MSRA: variants seen among roughly 807,000 people sequenced by gnomAD.
MSRA encodes methionine sulfoxide reductase A, also known as mitochondrial peptide methionine sulfoxide reductase.
MSRA carries 54 observed loss-of-function variants against 31.3 expected under a neutral mutation model. The ratio of observed to expected loss-of-function variants is 1.73; its 90% CI spans 1.39 to 2.17. MSRA has a LOEUF of 2.17. Among genes scored for constraint, MSRA ranks in the 30% most tolerant of loss-of-function variants. MSRA has a pLI of 0.00. For synonymous variants in MSRA, 169 were observed against 116.5 expected, an observed-to-expected ratio of 1.45 and a Z score of -2.90; for missense variants, 507 against 300.9, an observed-to-expected ratio of 1.69 and a Z score of -5.07.
chr8:10,275,516 A>C (rs1156245288), intron 3 of MSRA, among the ~76,000 whole-genome samples: 1 of 152,210 alleles, frequency 6.6e-6, no homozygotes, highest in Non-Finnish European at 1.5e-5. Context: ...CAGCCTCTTT[A>C]TTGTTCATTG....
rs10104911 is a variant in MSRA at position 10,109,664 on chromosome 8, A to T, written c.142+55006A>T. Among the ~76,000 whole-genome samples, 27 of 152,110 alleles carry T rather than the reference A, an allele frequency of 1.8e-4. No homozygotes were observed. In the East Asian group the frequency reaches 3.1e-3, roughly 17 times the overall value. Reference sequence around the variant, plus strand: ...GTCTTTTTTCTTATGATGTATTTTTAGCATTGGAATTTAAGTGTTTTGAAA... The same window carrying T: ...GTCTTTTTTCTTATGATGTATTTTTTGCATTGGAATTTAAGTGTTTTGAAA... On this transcript the variant is annotated intron_variant, in intron 1 of 5. Transcript: ENST00000317173.
chr8:10,094,616 C>G (rs1799029079), intron 1 of MSRA, among the ~76,000 whole-genome samples: 1 of 152,168 alleles, frequency 6.6e-6, no homozygotes, highest in Non-Finnish European at 1.5e-5. Flanking sequence ...CTAGAAGTCA[C>G]TTTTCTGGGT....
At chr8:10,425,241 G>T (rs373136064) in intron 5 of MSRA, among the ~76,000 whole-genome samples, 1 of 152,206 alleles carries the variant, frequency 6.6e-6, no homozygotes, top group Non-Finnish European at 1.5e-5. Flanking sequence ...TCCGCCACCC[G>T]ACAGGACCCG....
chr8:10,348,041 G>A (rs570559197), intron 5 of MSRA, among the ~76,000 whole-genome samples: 1 of 152,344 alleles, frequency 6.6e-6, no homozygotes, highest in East Asian at 1.9e-4. Flanking sequence ...GTAAATGAAT[G>A]ATGCAGCTGG....
At chr8:10,064,074 C>T (rs1797338277) in intron 1 of MSRA, among the ~76,000 whole-genome samples, 3 of 152,116 alleles carry the variant, frequency 2.0e-5, no homozygotes, top group African/African-American at 7.2e-5. Context: ...AATCCCTTTC[C>T]TGTATTTGGT....
intron 2 of MSRA, among the ~76,000 whole-genome samples, chr8:10,214,027 G>A (rs903286861): frequency 1.2e-4 from 19 of 152,192 alleles, no homozygotes; most frequent in African/African-American, 4.6e-4. Flanking sequence ...TAGGCTCCTA[G>A]TAGCCTGATG....
At chr8:10,088,077 G>A (rs1798662377) in intron 1 of MSRA, among the ~76,000 whole-genome samples, 1 of 152,112 alleles carries the variant, frequency 6.6e-6, no homozygotes, top group Non-Finnish European at 1.5e-5. Context: ...CTCCTTGGAA[G>A]GAAGTTTGAA....
At chr8:10,198,708 C>G (rs1451116404) in intron 1 of MSRA, among the ~76,000 whole-genome samples, 2 of 152,194 alleles carry the variant, frequency 1.3e-5, no homozygotes, top group Non-Finnish European at 2.9e-5. Flanking sequence ...AATGCAGCTT[C>G]TAACTACTGG....
chr8:10,112,309 G>T (rs1022951438), intron 1 of MSRA, among the ~76,000 whole-genome samples: 3 of 152,138 alleles, frequency 2.0e-5, no homozygotes, highest in Non-Finnish European at 2.9e-5. Context: ...CATTTGGTTT[G>T]ATTCAACACC....
At chr8:10,322,940 A>T (rs1367060499) in intron 5 of MSRA, among the ~76,000 whole-genome samples, 1 of 152,116 alleles carries the variant, frequency 6.6e-6, no homozygotes, top group Non-Finnish European at 1.5e-5. Context: ...AAATACAAAA[A>T]TTAGCCAGGC....
At chr8:10,385,996 C>G (rs1054986937) in intron 5 of MSRA, among the ~76,000 whole-genome samples, 1 of 152,090 alleles carries the variant, frequency 6.6e-6, no homozygotes, top group African/African-American at 2.4e-5. Context: ...TCATCATAAC[C>G]CATTCATTCA....
chr8:10,153,311 A>G (rs945620673), intron 1 of MSRA, among the ~76,000 whole-genome samples: 57 of 152,100 alleles, frequency 3.7e-4, no homozygotes, highest in African/African-American at 1.4e-3. Context: ...TCTTTCTTCC[A>G]GTTAATTGTT....
At chr8:10,340,825 A>G (rs896811114) in intron 5 of MSRA, among the ~76,000 whole-genome samples, 1 of 152,274 alleles carries the variant, frequency 6.6e-6, no homozygotes, top group Non-Finnish European at 1.5e-5. Context: ...GCATCAGCAA[A>G]GAGCATCTCA....
At chr8:10,290,595 C>T (rs772342260) in intron 3 of MSRA, among the ~76,000 whole-genome samples, 13 of 152,128 alleles carry the variant, frequency 8.5e-5, no homozygotes, top group African/African-American at 2.4e-4. Context: ...TCTCCTGTAT[C>T]GGAATTCCAT....
At chr8:10,082,147 G>A (rs1279059904) in intron 1 of MSRA, among the ~76,000 whole-genome samples, 1 of 152,130 alleles carries the variant, frequency 6.6e-6, no homozygotes, top group African/African-American at 2.4e-5. Flanking sequence ...TCAAGACTGA[G>A]TGAGCTGTGA....
intron 3 of MSRA, among the ~76,000 whole-genome samples, chr8:10,287,419 C>T (rs1428403563): frequency 6.6e-6 from 1 of 152,156 alleles, no homozygotes; most frequent in Non-Finnish European, 1.5e-5. Context: ...ATTTCATGAG[C>T]TACAAAAGTG....
At chr8:10,210,381 C>A (rs1350759210) in intron 2 of MSRA, among the ~76,000 whole-genome samples, 1 of 152,198 alleles carries the variant, frequency 6.6e-6, no homozygotes, top group African/African-American at 2.4e-5. Flanking sequence ...CATGGGAAGG[C>A]CTTATAGATT....
intron 1 of MSRA, among the ~76,000 whole-genome samples, chr8:10,159,177 C>A (rs554944281): frequency 6.6e-6 from 1 of 152,224 alleles, no homozygotes; most frequent in Middle Eastern, 3.4e-3. Context: ...AAATACTGTC[C>A]GTAAGAATTT....
intron 1 of MSRA, among the ~76,000 whole-genome samples, chr8:10,115,551 G>T (rs779705292): frequency 2.6e-5 from 4 of 152,182 alleles, no homozygotes; most frequent in Non-Finnish European, 4.4e-5. Context: ...GTGGTAATTT[G>T]TTGCCACACG....
Sources: allele counts gnomAD v4.1 joint callset (sites outside exome capture counted in the v4.1 genomes callset), GRCh38; gene constraint gnomAD v4.1.1; transcripts MANE v1.5; gene names NCBI Gene and HGNC (gene_info 2026-07-23, HGNC 2026-07-21).